DPY19L2: variants seen among roughly 807,000 people sequenced by gnomAD.
The protein encoded by DPY19L2 is probable C-mannosyltransferase DPY19L2.
A neutral mutation model predicts 97.9 loss-of-function variants in DPY19L2; 34 were observed. That is an observed-to-expected ratio of 0.35 (90% CI 0.26 to 0.46). The LOEUF is 0.46. Ranked by LOEUF, DPY19L2 falls within the 20% of genes least tolerant of loss-of-function variation. The probability of loss-of-function intolerance (pLI) is 1.00; values close to 1 mark genes in which losing one functional copy is unlikely to be tolerated. For synonymous variants in DPY19L2, 230 were observed against 307.9 expected (o/e 0.75, Z 2.65); for missense variants, 623 against 911.4 (o/e 0.68, Z 4.07).
Position 63,582,670 on chromosome 12 carries a change from T to C in DPY19L2, c.1606-145A>G, listed in dbSNP as rs1881138830. On this transcript the variant is annotated intron_variant, in intron 17 of 21. Coordinates refer to ENST00000324472, the MANE Select transcript of DPY19L2 (RefSeq NM_173812.5). The stretch of plus-strand genomic sequence containing the variant: ...TCAGTATTCATTCAGCAATAATTTA[T>C]CGAATGTCTACTATGTTCCAGGTAC... 3 of 945,646 alleles carry C rather than the reference T, an allele frequency of 3.2e-6. No individual in the cohort carries two copies. In the Admixed American group the frequency reaches 8.9e-5, roughly 28 times the overall value. 58.6% of individuals were successfully genotyped at this position (945,646 alleles called of 1,614,324 possible).
intron 11 of DPY19L2, among the ~76,000 whole-genome samples, chr12:63,615,987 A>G (rs1417253394): frequency 3.3e-5 from 5 of 152,164 alleles, no homozygotes; most frequent in African/African-American, 1.2e-4. Flanking sequence ...AATACAGTAT[A>G]CAACTATTTG....
chr12:63,649,176 A>C (rs1893838232), intron 4 of DPY19L2, among the ~76,000 whole-genome samples: 1 of 152,162 alleles, frequency 6.6e-6, no homozygotes, highest in Admixed American at 6.5e-5. Flanking sequence ...AACACAGCTA[A>C]AGCAGTGTTA....
intron 8 of DPY19L2, among the ~76,000 whole-genome samples, chr12:63,622,813 C>G (rs1888899164): frequency 6.6e-6 from 1 of 152,046 alleles, no homozygotes; most frequent in South Asian, 2.1e-4. Flanking sequence ...GTAATCCCAG[C>G]TACTTGGGAG....
intron 6 of DPY19L2, among the ~76,000 whole-genome samples, chr12:63,628,087 G>A (rs750751293): frequency 1.1e-4 from 17 of 152,274 alleles, no homozygotes; most frequent in Middle Eastern, 3.4e-3. Flanking sequence ...GGTGAGGGGT[G>A]GAGCCAAGAT....
At chr12:63,647,572 T>G (rs1243323864) in intron 4 of DPY19L2, among the ~76,000 whole-genome samples, 1 of 152,258 alleles carries the variant, frequency 6.6e-6, no homozygotes, top group Non-Finnish European at 1.5e-5. Flanking sequence ...GTTTTGATAT[T>G]AAAAAGCTTT....
At position 63,570,864 on chromosome 12, in the gene DPY19L2, A is replaced by T; in HGVS notation, c.1901-7T>A. 1 of 1,599,966 alleles carries T rather than the reference A, an allele frequency of 6.3e-7. No individual in the cohort carries two copies. The highest frequency in any genetic ancestry group is 8.5e-7 in the Non-Finnish European group (1 of 1,175,848). ...GCACCTGCAAAGACAGCATCTGAAAAAAAAAAAAGGATATATTCTTCAATT... is the reference window on the plus strand; with the variant it reads ...GCACCTGCAAAGACAGCATCTGAAATAAAAAAAAGGATATATTCTTCAATT... On this transcript the variant is annotated splice_region_variant and splice_polypyrimidine_tract_variant and intron_variant, in intron 19 of 21. Coordinates refer to ENST00000324472, the MANE Select transcript of DPY19L2 (RefSeq NM_173812.5).
intron 6 of DPY19L2, among the ~76,000 whole-genome samples, chr12:63,634,274 A>T (rs1455842977): frequency 1.3e-5 from 2 of 152,142 alleles, no homozygotes; most frequent in Non-Finnish European, 2.9e-5. Flanking sequence ...TGTGAGGGGT[A>T]ACAGGAGTAC....
At chr12:63,628,105 T>C (rs1397293886) in intron 6 of DPY19L2, among the ~76,000 whole-genome samples, 1 of 152,010 alleles carries the variant, frequency 6.6e-6, no homozygotes, top group African/African-American at 2.4e-5. Flanking sequence ...GATGGCCGAA[T>C]AGGAACAGCT....
At chr12:63,636,007 A>G (rs1455366562) in intron 6 of DPY19L2, among the ~76,000 whole-genome samples, 1 of 152,256 alleles carries the variant, frequency 6.6e-6, no homozygotes, top group Admixed American at 6.5e-5. Flanking sequence ...TGCAGGAAAA[A>G]ATGTAAAGGG....
upstream of DPY19L2, chr12:63,668,710 G>C (rs1256281631): frequency 8.5e-6 from 3 of 351,372 alleles, no homozygotes; most frequent in African/African-American, 2.1e-5. Flanking sequence ...CCCAGCGCCT[G>C]CAGCCTCCGG....
chr12:63,637,060 A>T (rs1388243934), intron 6 of DPY19L2, among the ~76,000 whole-genome samples: 1 of 152,196 alleles, frequency 6.6e-6, no homozygotes, highest in Non-Finnish European at 1.5e-5. Flanking sequence ...GCAAATGTAA[A>T]AGAACAGAAA....
chr12:63,558,948 T>A lies in DPY19L2; in HGVS notation c.*1564A>T, dbSNP rs189207346. 190 of 152,328 alleles carry A rather than the reference T, an allele frequency of 1.2e-3. No homozygotes were observed. Among genetic ancestry groups the A allele is most frequent in the African/African-American group, 3.9e-3 (161 of 41,580 alleles). 9.4% of individuals were successfully genotyped at this position (152,328 alleles called of 1,614,324 possible). ...ATAATTTTATTAGTTTTTTAATGCA[T>A]AAATCCAAACATATATTTGTACTGA... On this transcript the variant is annotated 3_prime_UTR_variant, in exon 22 of 22. Transcript: ENST00000324472.
intron 6 of DPY19L2, among the ~76,000 whole-genome samples, chr12:63,629,821 G>C (rs1344063378): frequency 1.3e-5 from 2 of 152,124 alleles, no homozygotes; most frequent in Non-Finnish European, 2.9e-5. Flanking sequence ...AGAGAGAAAG[G>C]TCAGGTTACC....
Position 63,570,381 on chromosome 12 carries a change from G to A in DPY19L2, c.2000+377C>T, listed in dbSNP as rs577316375. Among the ~76,000 whole-genome samples, 303 of 152,180 alleles carry A rather than the reference G, an allele frequency of 2.0e-3. 2 individuals carry two copies. Among genetic ancestry groups the A allele is most frequent in the African/African-American group, 7.1e-3 (296 of 41,526 alleles). ...AGAAATCATTTCTTAAATCAGAGTG[G>A]GGCTTGTGGTGTAGAGCAGGGGTTG... is the stretch of plus-strand genomic sequence containing the variant. On this transcript the variant is annotated intron_variant, in intron 20 of 21. Coordinates refer to ENST00000324472, the MANE Select transcript of DPY19L2 (RefSeq NM_173812.5).
intron 15 of DPY19L2, 96 bp downstream of exon 15, chr12:63,595,870 A>C: frequency 2.7e-6 from 3 of 1,124,118 alleles, no homozygotes; most frequent in Non-Finnish European, 3.8e-6. Context: ...AGAGAGAAAG[A>C]GTTCATCCTA....
intron 4 of DPY19L2, among the ~76,000 whole-genome samples, chr12:63,654,862 G>A (rs1407508234): frequency 2.7e-4 from 41 of 152,246 alleles, no homozygotes; most frequent in Admixed American, 2.4e-3. Flanking sequence ...TGTCAACGGA[G>A]AAATGAACAA....
At chr12:63,585,143 C>T (rs1035203039) in intron 16 of DPY19L2, among the ~76,000 whole-genome samples, 3 of 151,932 alleles carry the variant, frequency 2.0e-5, no homozygotes, top group Non-Finnish European at 4.4e-5. Flanking sequence ...AGTATGGATA[C>T]AATACTTATC....
intron 21 of DPY19L2, among the ~76,000 whole-genome samples, chr12:63,566,872 A>G (rs1877823546): frequency 6.6e-6 from 1 of 151,992 alleles, no homozygotes; most frequent in South Asian, 2.1e-4. Flanking sequence ...CTTTTACTTG[A>G]CAAGTAATAC....
intron 19 of DPY19L2, among the ~76,000 whole-genome samples, chr12:63,573,603 C>A (rs962422119): frequency 6.6e-6 from 1 of 152,066 alleles, no homozygotes; most frequent in African/African-American, 2.4e-5. Context: ...GAACACCAAG[C>A]AGATTTAACC....
Sources: gnomAD v4.1 joint callset for allele counts (sites outside exome capture counted in the v4.1 genomes callset) on GRCh38, gnomAD v4.1.1 for gene constraint, MANE v1.5 for transcripts, NCBI Gene and HGNC (gene_info 2026-07-23, HGNC 2026-07-21) for gene names.